The following FHIT variants were observed in gnomAD, a reference collection of about 807,000 sequenced individuals.
The protein encoded by FHIT is fragile histidine triad diadenosine triphosphatase.
A neutral mutation model predicts 17.9 loss-of-function variants in FHIT; 19 were observed. That is an observed-to-expected ratio of 1.06 (90% confidence interval 0.74 to 1.56). The LOEUF is 1.56. FHIT is among the 40% of genes most tolerant of loss of function. FHIT has a pLI of 0.00. For synonymous variants in FHIT, 81 were observed against 69.7 expected (o/e 1.16, Z -0.81); for missense variants, 248 against 189.2 (o/e 1.31, Z -1.82).
chr3:60,656,654 G>T (rs2040123095), intron 4 of FHIT, among the ~76,000 whole-genome samples: 1 of 152,154 alleles, frequency 6.6e-6, no homozygotes, highest in African/African-American at 2.4e-5. Flanking sequence ...ATTGGCCCAA[G>T]CTCAAGCCTC....
intron 4 of FHIT, among the ~76,000 whole-genome samples, chr3:60,757,573 GC>G (rs1699482021): frequency 6.6e-6 from 1 of 152,192 alleles, no homozygotes; most frequent in African/African-American, 2.4e-5. Flanking sequence ...TATGCTAAGA[GC>G]CGGTGAGGAC....
chr3:60,704,538 C>T (rs1231855840), intron 4 of FHIT, among the ~76,000 whole-genome samples: 2 of 152,154 alleles, frequency 1.3e-5, no homozygotes, highest in African/African-American at 4.8e-5. Context: ...TGCATCAGCA[C>T]TTCTGATCTA....
At chr3:60,732,061 A>G in intron 4 of FHIT, 1 of 551,312 alleles carries the variant, frequency 1.8e-6, no homozygotes, top group East Asian at 3.3e-5. Context: ...ATTCTAGGAT[A>G]CTGCGAGCAA....
intron 8 of FHIT, among the ~76,000 whole-genome samples, chr3:59,875,652 A>G (rs1703119050): frequency 6.6e-6 from 1 of 152,136 alleles, no homozygotes; most frequent in African/African-American, 2.4e-5. Context: ...AGTTTTTAGC[A>G]AAGGAAATTT....
At chr3:60,020,183 C>G (rs919368261) in intron 5 of FHIT, among the ~76,000 whole-genome samples, 4 of 152,074 alleles carry the variant, frequency 2.6e-5, no homozygotes, top group African/African-American at 9.7e-5. Context: ...ATTATGTTGC[C>G]ACATTTTTAT....
At chr3:60,466,635 T>C (rs2032808946) in intron 5 of FHIT, among the ~76,000 whole-genome samples, 1 of 152,076 alleles carries the variant, frequency 6.6e-6, no homozygotes. Flanking sequence ...AATAATCATA[T>C]CGTTTTTGTC....
intron 5 of FHIT, among the ~76,000 whole-genome samples, chr3:60,243,398 G>A (rs778643570): frequency 4.6e-5 from 7 of 152,082 alleles, no homozygotes; most frequent in African/African-American, 7.2e-5. Context: ...TTCAGAGAAT[G>A]TAACACTACT....
chr3:61,187,932 G>C (rs1002946430), intron 2 of FHIT, among the ~76,000 whole-genome samples: 2 of 152,194 alleles, frequency 1.3e-5, no homozygotes, highest in Non-Finnish European at 2.9e-5. Flanking sequence ...ATTCAAAGCA[G>C]TGTGGAGAGG....
At chr3:61,040,867 C>T (rs890516373) in intron 3 of FHIT, among the ~76,000 whole-genome samples, 1 of 152,176 alleles carries the variant, frequency 6.6e-6, no homozygotes, top group African/African-American at 2.4e-5. Context: ...CCATAACCAG[C>T]TGAGGGCCCA....
intron 5 of FHIT, among the ~76,000 whole-genome samples, chr3:60,315,010 G>A (rs1709103309): frequency 6.6e-6 from 1 of 152,100 alleles, no homozygotes; most frequent in Non-Finnish European, 1.5e-5. Context: ...TCAAACACTA[G>A]CTTTCAAATC....
At chr3:60,975,728 C>T (rs1710203509) in intron 3 of FHIT, among the ~76,000 whole-genome samples, 1 of 152,114 alleles carries the variant, frequency 6.6e-6, no homozygotes, top group Non-Finnish European at 1.5e-5. Flanking sequence ...ACTGTGTATG[C>T]ATATACATTT....
chr3:60,048,783 C>T (rs1368867929), intron 5 of FHIT, among the ~76,000 whole-genome samples: 1 of 152,150 alleles, frequency 6.6e-6, no homozygotes. Flanking sequence ...TCTTTTTCAC[C>T]GTGATGCCCT....
At chr3:61,099,315 G>A (rs1053492824) in intron 2 of FHIT, among the ~76,000 whole-genome samples, 6 of 152,044 alleles carry the variant, frequency 3.9e-5, no homozygotes, top group African/African-American at 1.2e-4. Context: ...TGCTGGATTC[G>A]GTTTGCTAGC....
intron 5 of FHIT, among the ~76,000 whole-genome samples, chr3:60,438,258 A>G (rs1025661872): frequency 2.0e-5 from 3 of 151,992 alleles, no homozygotes; most frequent in African/African-American, 4.8e-5. Context: ...ATAGTGAAAA[A>G]CACACCGATG....
intron 5 of FHIT, among the ~76,000 whole-genome samples, chr3:60,194,633 A>T (rs959893234): frequency 2.0e-5 from 3 of 152,312 alleles, no homozygotes; most frequent in Admixed American, 1.3e-4. Flanking sequence ...AGAAACAATC[A>T]TCACAGTAAA....
At chr3:60,464,328 T>A (rs959942778) in intron 5 of FHIT, among the ~76,000 whole-genome samples, 1 of 152,132 alleles carries the variant, frequency 6.6e-6, no homozygotes, top group African/African-American at 2.4e-5. Flanking sequence ...GTAAATGGGA[T>A]ATACATCATC....
At chr3:61,240,927 G>T (rs2040359114) in intron 1 of FHIT, among the ~76,000 whole-genome samples, 1 of 152,140 alleles carries the variant, frequency 6.6e-6, no homozygotes, top group South Asian at 2.1e-4. Context: ...TCTATGTAAG[G>T]CGTCCCAAAG....
At chr3:60,419,375 A>T (rs1255700613) in intron 5 of FHIT, among the ~76,000 whole-genome samples, 1 of 152,152 alleles carries the variant, frequency 6.6e-6, no homozygotes, top group Non-Finnish European at 1.5e-5. Flanking sequence ...CTTAGTCATT[A>T]CATTTTCTAA....
chr3:59,799,215 A>G (rs930481017), intron 8 of FHIT, among the ~76,000 whole-genome samples: 1 of 152,206 alleles, frequency 6.6e-6, no homozygotes, highest in African/African-American at 2.4e-5. Flanking sequence ...TTTGCAACCA[A>G]TCAGCATTTT....
Sources: allele counts gnomAD v4.1 joint callset (sites outside exome capture counted in the v4.1 genomes callset), GRCh38; gene constraint gnomAD v4.1.1; transcripts MANE v1.5; gene names NCBI Gene and HGNC (gene_info 2026-07-23, HGNC 2026-07-21).